The following FREY1 variants were observed in gnomAD, a reference collection of about 807,000 sequenced individuals.
The protein encoded by FREY1 is protein Frey 1.
the FREY1 span, chr11:45,907,067 GC>G: frequency 2.0e-6 from 3 of 1,524,180 alleles, no homozygotes; most frequent in Non-Finnish European, 2.7e-6. Flanking sequence ...ACCAGGGCCA[GC>G]CCCACTCCAG....
the FREY1 span, chr11:45,907,070 C>T: frequency 6.5e-7 from 1 of 1,529,966 alleles, no homozygotes; most frequent in Non-Finnish European, 8.9e-7. Flanking sequence ...AGGGCCAGCC[C>T]CACTCCAGAG....
At chr11:45,907,152 G>T in the FREY1 span, 4 of 1,556,788 alleles carry the variant, frequency 2.6e-6, no homozygotes, top group African/African-American at 5.5e-5. Context: ...CACCTCAGAG[G>T]CTGGGAGCGA....
chr11:45,906,889 G>C, the FREY1 span: 1 of 1,613,908 alleles, frequency 6.2e-7, no homozygotes, highest in Non-Finnish European at 8.5e-7. Flanking sequence ...GCCGGAAAGT[G>C]GCTGCGAGAG....
chr11:45,906,912 G>A, the FREY1 span: 29 of 1,613,696 alleles, frequency 1.8e-5, no homozygotes, highest in Middle Eastern at 8.2e-4. Context: ...CCAGGGGGGC[G>A]GAAAATGCCT....
At chr11:45,906,970 C>G in the FREY1 span, 19 of 1,612,886 alleles carry the variant, frequency 1.2e-5, no homozygotes, top group Non-Finnish European at 1.4e-5. Context: ...GTGCTCAGCC[C>G]TGGCCCAGAA....
At chr11:45,906,908 G>A in the FREY1 span, 2 of 1,613,856 alleles carry the variant, frequency 1.2e-6, no homozygotes, top group South Asian at 2.2e-5. Context: ...AGTTCCAGGG[G>A]GGCGGAAAAT....
At chr11:45,907,091 C>G in the FREY1 span, 1 of 1,533,616 alleles carries the variant, frequency 6.5e-7, no homozygotes, top group Non-Finnish European at 8.9e-7. Context: ...AGGGGAGGGG[C>G]AGCACCTCCA....
the FREY1 span, chr11:45,907,074 T>G: frequency 6.6e-6 from 10 of 1,518,438 alleles, no homozygotes; most frequent in African/African-American, 1.2e-4. Context: ...CCAGCCCCAC[T>G]CCAGAGAGGG....
chr11:45,906,546 G>A, the FREY1 span: 1 of 1,513,130 alleles, frequency 6.6e-7, no homozygotes, highest in Non-Finnish European at 8.9e-7. Flanking sequence ...TGTCACACAT[G>A]GTATCTTTAT....
the FREY1 span, chr11:45,906,641 G>A: frequency 6.3e-7 from 1 of 1,596,874 alleles, no homozygotes; most frequent in Non-Finnish European, 8.5e-7. Context: ...CCCTAGACAG[G>A]AGGGGTCGAG....
the FREY1 span, chr11:45,907,107 C>T: frequency 2.4e-5 from 37 of 1,542,284 alleles, no homozygotes; most frequent in Admixed American, 2.1e-4. Context: ...CTCCACCATC[C>T]GGCCCAAGTG....
chr11:45,906,702 A>G, the FREY1 span: 1 of 1,578,574 alleles, frequency 6.3e-7, no homozygotes, highest in Admixed American at 1.8e-5. Flanking sequence ...TAAAGAGAGA[A>G]AAGAGGGCAT....
At chr11:45,906,571 A>G in the FREY1 span, 1 of 1,543,994 alleles carries the variant, frequency 6.5e-7, no homozygotes, top group Non-Finnish European at 8.7e-7. Context: ...GCCTTGGGTC[A>G]TAGGTGTGCA....
the FREY1 span, chr11:45,906,725 G>T: frequency 1.0e-5 from 16 of 1,576,056 alleles, no homozygotes; most frequent in Non-Finnish European, 1.4e-5. Context: ...GTGGTAGGGG[G>T]CAGCTGGCTC....
At chr11:45,906,751 C>A in the FREY1 span, 2 of 1,582,244 alleles carry the variant, frequency 1.3e-6, no homozygotes, top group East Asian at 4.5e-5. Flanking sequence ...GAACTGAAGT[C>A]ACCCTTGAAC....
the FREY1 span, chr11:45,907,255 G>A: frequency 2.0e-5 from 30 of 1,536,328 alleles, no homozygotes; most frequent in African/African-American, 2.7e-5. Context: ...TCTCCTACAC[G>A]GGTCCTGGCT....
At chr11:45,906,883 GA>G in the FREY1 span, 20 of 1,613,800 alleles carry the variant, frequency 1.2e-5, no homozygotes, top group African/African-American at 2.7e-5. Flanking sequence ...CACCAGGCCG[GA>G]AAGTGGCTGC....
the FREY1 span, chr11:45,906,881 C>G: frequency 6.2e-7 from 1 of 1,613,870 alleles, no homozygotes; most frequent in Non-Finnish European, 8.5e-7. Flanking sequence ...TCCACCAGGC[C>G]GGAAAGTGGC....
the FREY1 span, chr11:45,906,851 G>T: frequency 6.2e-7 from 1 of 1,613,614 alleles, no homozygotes; most frequent in Non-Finnish European, 8.5e-7. Flanking sequence ...TAGGGGAAGG[G>T]GACAAGAGAG....
Sources: gnomAD v4.1 joint callset for allele counts on GRCh38, gnomAD v4.1.1 for gene constraint, MANE v1.5 for transcripts, NCBI Gene and HGNC (gene_info 2026-07-23, HGNC 2026-07-21) for gene names.